Variants in TMEM167B observed in about 807,000 individuals in gnomAD.
The protein encoded by TMEM167B is protein kish-B.
Under a neutral mutation model 9.4 loss-of-function variants are expected in TMEM167B, and 2 were observed. The ratio of observed to expected loss-of-function variants is 0.21; its 90% CI spans 0.09 to 0.67. The LOEUF is 0.67. TMEM167B is among the 30% of genes least tolerant of loss of function. The probability of loss-of-function intolerance (pLI) is 0.82; values close to 1 mark genes in which losing one functional copy is unlikely to be tolerated. For missense variants in TMEM167B, 68 were observed against 87.6 expected, an observed-to-expected ratio of 0.78 and a Z score of 0.89; for synonymous variants, 28 against 32.0, an observed-to-expected ratio of 0.87 and a Z score of 0.42.
rs1377037433 is a variant in TMEM167B, at chr1:109,096,671, A to G, written c.*2172A>G. The G allele has an allele frequency of 1.3e-5, 2 of 152,222 alleles. No individual in the cohort carries two copies. Among genetic ancestry groups the G allele is most frequent in the African/African-American group, 4.8e-5 (2 of 41,464 alleles). 9.4% of individuals were successfully genotyped at this position (152,222 alleles called of 1,614,324 possible). ...ATTTCTTGACTTTCCCTAAGCAGAT[A>G]AGCAGAAACTTGTTTAACTCATTAC... On this transcript the variant is annotated 3_prime_UTR_variant, in exon 3 of 3. Transcript: ENST00000338272.
At chr1:109,094,341 A>C (rs1436849247) in intron 2 of TMEM167B, 76 bp from the exon 3 acceptor site, 1 of 1,427,208 alleles carries the variant, frequency 7.0e-7, no homozygotes, top group Non-Finnish European at 9.9e-7. Flanking sequence ...GTGACTAGAG[A>C]CTTCAAAATA....
At position 109,096,535 on chromosome 1, in the gene TMEM167B, T is replaced by C. The variant is rs1664573026; in HGVS notation, c.*2036T>C. The stretch of plus-strand genomic sequence containing the variant: ...TTACAGCCTCCTGGGTGGGTCGTCT[T>C]GACCCAAACTCTTGTGTTGTTACAT... On this transcript the variant is annotated 3_prime_UTR_variant, in exon 3 of 3. Transcript: ENST00000338272. The C allele has an allele frequency of 6.6e-6, 1 of 152,228 alleles. No homozygotes were observed. The highest frequency in any genetic ancestry group is 2.1e-4 in the South Asian group (1 of 4,836). The allele number at this position is 152,228 out of a possible 1,614,324, so 9.4% of individuals were successfully genotyped here. A position where few individuals can be genotyped will look rare whatever the true frequency, so the allele number is the denominator to read the frequency against.
intron 1 of TMEM167B, among the ~76,000 whole-genome samples, chr1:109,091,140 C>G (rs557163341): frequency 6.6e-6 from 1 of 152,146 alleles, no homozygotes; most frequent in African/African-American, 2.4e-5. Flanking sequence ...TTTTCTTTTT[C>G]TTAGTTCTTT....
At chr1:109,090,916 T>C (rs1171340291) in intron 1 of TMEM167B, 34 bp downstream of exon 1, 1 of 1,575,246 alleles carries the variant, frequency 6.3e-7, no homozygotes, top group Non-Finnish European at 8.6e-7. Flanking sequence ...AGGGTGGGAG[T>C]GAAGGACGAA....
intron 1 of TMEM167B, chr1:109,091,724 G>A (rs1246060017): frequency 6.6e-6 from 1 of 152,230 alleles, no homozygotes; most frequent in African/African-American, 2.4e-5. Context: ...AGAAACTTAT[G>A]AGAGAAAAGG....
At chr1:109,092,160 A>G (rs962668895) in intron 1 of TMEM167B, among the ~76,000 whole-genome samples, 5 of 152,222 alleles carry the variant, frequency 3.3e-5, no homozygotes, top group African/African-American at 9.6e-5. Context: ...AAAGCTTTCT[A>G]TGTTGAAGCC....
At chr1:109,093,500 A>T (rs987065636) in intron 2 of TMEM167B, 3 of 152,882 alleles carry the variant, frequency 2.0e-5, no homozygotes, top group Non-Finnish European at 4.4e-5. Context: ...TCAAAAAAAA[A>T]AAAAATTATT....
Position 109,094,655 on chromosome 1 carries a change from T to A in TMEM167B, c.*156T>A, listed in dbSNP as rs1020944846. 13 of 670,946 alleles carry A rather than the reference T, an allele frequency of 1.9e-5. 1 individual carries two copies. Among genetic ancestry groups the A allele is most frequent in the Admixed American group, 1.1e-4 (4 of 38,056 alleles). 41.6% of individuals were successfully genotyped at this position (670,946 alleles called of 1,614,324 possible). On this transcript the variant is annotated 3_prime_UTR_variant, in exon 3 of 3. Coordinates refer to ENST00000338272, the MANE Select transcript of TMEM167B (RefSeq NM_020141.4). ...CCCTGCTATATGTGGGGAAAACTCA[T>A]GGTCACGAACATTATTTATGCTTCA...
chr1:109,092,480 A>G lies in TMEM167B; in HGVS notation c.11-410A>G, dbSNP rs371222959. 5.3e-5 allele frequency among the ~76,000 whole-genome samples: 8 copies of G among 152,296 alleles called. No individual in the cohort carries two copies. In the East Asian group the frequency reaches 1.3e-3, roughly 26 times the overall value. On this transcript the variant is annotated intron_variant, in intron 1 of 2. Transcript: ENST00000338272. ...TATGTCTCAATCTATTGCCAACACT[A>G]GTCATTCCTGGGATGCTAATTTCTG... is the stretch of plus-strand genomic sequence containing the variant.
intron 2 of TMEM167B, chr1:109,093,313 G>A (rs1453471766): frequency 1.3e-5 from 4 of 298,598 alleles, no homozygotes; most frequent in East Asian, 1.6e-4. Flanking sequence ...GCAACACAGT[G>A]AGACCCCATT....
At chr1:109,093,135 T>A (rs1664488194) in intron 2 of TMEM167B, 114 bp downstream of exon 2, 1 of 1,404,474 alleles carries the variant, frequency 7.1e-7, no homozygotes, top group Non-Finnish European at 9.7e-7. Flanking sequence ...TAGAAAAAAA[T>A]CCCTCCGATT....
chr1:109,093,669 T>C (rs1320904960), intron 2 of TMEM167B: 1 of 152,266 alleles, frequency 6.6e-6, no homozygotes, highest in Admixed American at 6.5e-5. Context: ...CTGTAAATGG[T>C]ACATTGGAGT....
In TMEM167B at chr1:109,095,681, T is replaced by C. The variant is rs1328710548; in HGVS notation, c.*1182T>C. ...ATTCAAATGAGAGAAGTTGCTGATA[T>C]TCATCAGTGTGTTTGGACAGTTCAT... is the stretch of plus-strand genomic sequence containing the variant. On this transcript the variant is annotated 3_prime_UTR_variant, in exon 3 of 3. Coordinates refer to ENST00000338272, the MANE Select transcript of TMEM167B (RefSeq NM_020141.4). 3 of 152,256 alleles carry C rather than the reference T, an allele frequency of 2.0e-5. No homozygotes were observed. The highest frequency in any genetic ancestry group is 2.9e-5 in the Non-Finnish European group (2 of 68,038). 9.4% of individuals were successfully genotyped at this position (152,256 alleles called of 1,614,324 possible). A position where few individuals can be genotyped will look rare whatever the true frequency, so the allele number is the denominator to read the frequency against.
intron 1 of TMEM167B, chr1:109,091,854 A>T (rs1029172591): frequency 2.0e-5 from 3 of 152,236 alleles, no homozygotes; most frequent in Admixed American, 6.5e-5. Context: ...AGGTAGTGTG[A>T]TCTAGAACTG....
At chr1:109,093,275 T>G (rs1218933408) in intron 2 of TMEM167B, 2 of 432,318 alleles carry the variant, frequency 4.6e-6, no homozygotes, top group Non-Finnish European at 8.4e-6. Flanking sequence ...GAGGATTGCT[T>G]GTGTCCAGGA....
At chr1:109,091,004 C>A in intron 1 of TMEM167B, 122 bp downstream of exon 1, 1 of 1,187,898 alleles carries the variant, frequency 8.4e-7, no homozygotes, top group Non-Finnish European at 1.2e-6. Flanking sequence ...CCCTTGGCCT[C>A]TCGACGCCCC....
Position 109,095,861 on chromosome 1 carries a change from T to A in TMEM167B, c.*1362T>A, listed in dbSNP as rs547953893. On this transcript the variant is annotated 3_prime_UTR_variant, in exon 3 of 3. Coordinates refer to ENST00000338272, the MANE Select transcript of TMEM167B (RefSeq NM_020141.4). ...CAGGAAGACTTCTCCATTCCCTGCT[T>A]ATATCTATGGAAGGATCAGCTGTTG... is the stretch of plus-strand genomic sequence containing the variant. The A allele has an allele frequency of 8.5e-5, 13 of 152,314 alleles. No individual in the cohort carries two copies. Among genetic ancestry groups the A allele is most frequent in the African/African-American group, 3.1e-4 (13 of 41,576 alleles). The allele number at this position is 152,314 out of a possible 1,614,324, so 9.4% of individuals were successfully genotyped here. A position where few individuals can be genotyped will look rare whatever the true frequency, so the allele number is the denominator to read the frequency against.
At chr1:109,093,097 G>T in intron 2 of TMEM167B, 76 bp downstream of exon 2, 1 of 1,554,842 alleles carries the variant, frequency 6.4e-7, no homozygotes, top group South Asian at 1.2e-5. Context: ...GGAGTACAGT[G>T]AGCTGGGATT....
At chr1:109,092,514 T>A (rs1664471725) in intron 1 of TMEM167B, among the ~76,000 whole-genome samples, 1 of 152,184 alleles carries the variant, frequency 6.6e-6, no homozygotes, top group African/African-American at 2.4e-5. Context: ...TGCCCAGGAT[T>A]TCTACTTCTT....
Sources: gnomAD v4.1 joint callset for allele counts (sites outside exome capture counted in the v4.1 genomes callset) on GRCh38, gnomAD v4.1.1 for gene constraint, MANE v1.5 for transcripts, NCBI Gene and HGNC (gene_info 2026-07-23, HGNC 2026-07-21) for gene names.